Variants in HS3ST4 observed in about 807,000 individuals in gnomAD.
The protein encoded by HS3ST4 is heparan sulfate glucosamine 3-O-sulfotransferase 4.
In HS3ST4, 17 loss-of-function variants were observed where a neutral mutation model predicts 29.2. The observed-to-expected ratio is 0.58, with a 90% CI of 0.40 to 0.87. The LOEUF is 0.87. HS3ST4 is among the 40% of genes least tolerant of loss of function. The pLI, the probability that HS3ST4 is intolerant of heterozygous loss-of-function variation, is 0.00. For missense variants in HS3ST4, 627 were observed against 634.5 expected (o/e 0.99, Z 0.13); for synonymous variants, 314 against 285.7 (o/e 1.10, Z -1.00).
chr16:25,953,986 C>T (rs1456842511), intron 1 of HS3ST4, among the ~76,000 whole-genome samples: 1 of 152,140 alleles, frequency 6.6e-6, no homozygotes, highest in Non-Finnish European at 1.5e-5. Flanking sequence ...GAACACCCAG[C>T]TCAGCAGAGA....
chr16:25,756,127 T>TACACACAC (rs61054132), intron 1 of HS3ST4, among the ~76,000 whole-genome samples: 1 of 140,756 alleles, frequency 7.1e-6, no homozygotes, highest in Non-Finnish European at 1.6e-5. Context: ...CACACACACA[T>TACACACAC]ACACACACAC....
chr16:26,007,856 C>T (rs948701729), intron 1 of HS3ST4, among the ~76,000 whole-genome samples: 2 of 152,086 alleles, frequency 1.3e-5, no homozygotes, highest in East Asian at 3.9e-4. Context: ...CACCACCTAT[C>T]CCCCTACAAT....
chr16:25,845,663 T>G (rs1967459232), intron 1 of HS3ST4, among the ~76,000 whole-genome samples: 4 of 149,610 alleles, frequency 2.7e-5, no homozygotes. Flanking sequence ...ATAATAATAA[T>G]AATAATAATA....
At chr16:26,124,606 A>G (rs932052964) in intron 1 of HS3ST4, among the ~76,000 whole-genome samples, 2 of 152,194 alleles carry the variant, frequency 1.3e-5, no homozygotes, top group African/African-American at 2.4e-5. Flanking sequence ...CTATGTTCTC[A>G]TGAGGTATTC....
At chr16:25,892,906 GGA>G (rs1968024154) in intron 1 of HS3ST4, among the ~76,000 whole-genome samples, 1 of 152,144 alleles carries the variant, frequency 6.6e-6, no homozygotes, top group Non-Finnish European at 1.5e-5. Context: ...ATTTCCAGAG[GGA>G]GAAGATAGAA....
At chr16:25,965,258 G>A (rs564340854) in intron 1 of HS3ST4, among the ~76,000 whole-genome samples, 1 of 152,122 alleles carries the variant, frequency 6.6e-6, no homozygotes, top group Non-Finnish European at 1.5e-5. Context: ...GGTAAGGCAA[G>A]TCCACTCATG....
chr16:25,752,756 A>G (rs1425712702), intron 1 of HS3ST4, among the ~76,000 whole-genome samples: 1 of 152,216 alleles, frequency 6.6e-6, no homozygotes, highest in Non-Finnish European at 1.5e-5. Context: ...GCTATGATGC[A>G]TTTAGGTGCC....
chr16:26,024,584 T>C (rs1409684187), intron 1 of HS3ST4, among the ~76,000 whole-genome samples: 2 of 151,850 alleles, frequency 1.3e-5, no homozygotes, highest in East Asian at 1.9e-4. Context: ...ATACAAAAAC[T>C]AGCAGGGCAT....
intron 1 of HS3ST4, among the ~76,000 whole-genome samples, chr16:26,134,361 T>TC (rs1555485903): frequency 8.2e-6 from 1 of 121,726 alleles, no homozygotes; most frequent in African/African-American, 3.2e-5. Context: ...TCTTTTCTTT[T>TC]CTTTTTTTTT....
intron 1 of HS3ST4, among the ~76,000 whole-genome samples, chr16:25,978,298 CA>C (rs1180420945): frequency 6.6e-6 from 1 of 152,238 alleles, no homozygotes; most frequent in African/African-American, 2.4e-5. Context: ...TTTTCTAGAG[CA>C]AGGGCCAGCA....
chr16:25,778,134 T>TAA (rs35101473), intron 1 of HS3ST4, among the ~76,000 whole-genome samples: 1 of 145,792 alleles, frequency 6.9e-6, no homozygotes, highest in Non-Finnish European at 1.5e-5. Flanking sequence ...ACATACATAC[T>TAA]AAAATATATA....
intron 1 of HS3ST4, among the ~76,000 whole-genome samples, chr16:25,864,910 C>T (rs9930302): frequency 6.7e-6 from 1 of 149,068 alleles, no homozygotes; most frequent in Non-Finnish European, 1.5e-5. Context: ...AATATATATA[C>T]ACACACACAA....
Position 26,053,536 on chromosome 16 carries a change from G to T in HS3ST4, c.735-82076G>T, listed in dbSNP as rs373268444. On this transcript the variant is annotated intron_variant, in intron 1 of 1. Transcript: ENST00000331351. Reference sequence around the variant, plus strand: ...GAAGGGGACTGTTCTTTCTCAGGAAGACCAAATTTAAGACTTCAGGAAGTG... The same window carrying T: ...GAAGGGGACTGTTCTTTCTCAGGAATACCAAATTTAAGACTTCAGGAAGTG... 9.7e-4 allele frequency among the ~76,000 whole-genome samples: 147 copies of T among 152,300 alleles called. No individual in the cohort carries two copies. The Middle Eastern group carries it at 0.01, about 11-fold the overall frequency.
chr16:25,762,876 CAA>C (rs67260535), intron 1 of HS3ST4, among the ~76,000 whole-genome samples: 2 of 60,478 alleles, frequency 3.3e-5, no homozygotes, highest in African/African-American at 6.1e-5. Flanking sequence ...GACCCTGTCT[CAA>C]AAAAAAAAAA....
chr16:25,970,849 C>T (rs1968890208), intron 1 of HS3ST4, among the ~76,000 whole-genome samples: 1 of 151,878 alleles, frequency 6.6e-6, no homozygotes, highest in Admixed American at 6.6e-5. Flanking sequence ...TTTGTACAAG[C>T]ATCCTTTCTT....
chr16:25,871,579 A>G (rs1243797051), intron 1 of HS3ST4, among the ~76,000 whole-genome samples: 6 of 152,152 alleles, frequency 3.9e-5, no homozygotes, highest in African/African-American at 1.4e-4. Context: ...ACCTTATTTA[A>G]TCCTTACAAT....
rs537851770 is a variant in HS3ST4, at chr16:26,083,982, G to C, written c.735-51630G>C. ...ATTACAGTAGAGTGTCAAATACTAG[G>C]GTCCTGAGACAGGAGTGAGCACAGC... On this transcript the variant is annotated intron_variant, in intron 1 of 1. Coordinates refer to ENST00000331351, the MANE Select transcript of HS3ST4 (RefSeq NM_006040.3). Among the ~76,000 whole-genome samples, 7 of 152,274 alleles carry C rather than the reference G, an allele frequency of 4.6e-5. No individual in the cohort carries two copies. The South Asian group carries it at 1.0e-3, about 23-fold the overall frequency.
At chr16:25,956,415 C>G (rs571859694) in intron 1 of HS3ST4, among the ~76,000 whole-genome samples, 1 of 152,202 alleles carries the variant, frequency 6.6e-6, no homozygotes, top group Admixed American at 6.5e-5. Context: ...CAAGGATGCC[C>G]CTTTTTACCA....
chr16:26,093,112 A>G (rs1468991132), intron 1 of HS3ST4, among the ~76,000 whole-genome samples: 1 of 152,178 alleles, frequency 6.6e-6, no homozygotes, highest in African/African-American at 2.4e-5. Context: ...GGAGCCCACC[A>G]CAGCTCAGCA....
Sources: allele counts gnomAD v4.1 joint callset (sites outside exome capture counted in the v4.1 genomes callset), GRCh38; gene constraint gnomAD v4.1.1; transcripts MANE v1.5; gene names NCBI Gene and HGNC (gene_info 2026-07-23, HGNC 2026-07-21).